SLC8A1: variants seen among roughly 807,000 people sequenced by gnomAD.
SLC8A1 encodes sodium/calcium exchanger 1.
In SLC8A1, 18 loss-of-function variants were observed where a neutral mutation model predicts 68.3. The observed-to-expected ratio is 0.26, with a 90% CI of 0.18 to 0.39. The LOEUF (loss-of-function observed/expected upper bound fraction) is 0.39, where lower values mean the gene tolerates loss of function less well. Ranked by LOEUF, SLC8A1 falls within the 10% of genes least tolerant of loss-of-function variation. SLC8A1 has a pLI of 1.00. For missense variants in SLC8A1, 985 were observed against 1,156.7 expected, an observed-to-expected ratio of 0.85 and a Z score of 2.15; for synonymous variants, 475 against 415.5, an observed-to-expected ratio of 1.14 and a Z score of -1.74.
chr2:40,329,587 T>C (rs970697000), intron 2 of SLC8A1, among the ~76,000 whole-genome samples: 2 of 152,226 alleles, frequency 1.3e-5, no homozygotes, highest in Non-Finnish European at 2.9e-5. Context: ...CTAATGATTT[T>C]TCTTTCCAAT....
intron 1 of SLC8A1, among the ~76,000 whole-genome samples, chr2:40,477,183 G>C (rs1704342210): frequency 6.6e-6 from 1 of 151,956 alleles, no homozygotes; most frequent in Admixed American, 6.6e-5. Flanking sequence ...AAATTTCCTG[G>C]GCAACGTGAT....
intron 2 of SLC8A1, among the ~76,000 whole-genome samples, chr2:40,326,344 G>A (rs536102797): frequency 6.6e-6 from 1 of 151,938 alleles, no homozygotes; most frequent in Admixed American, 6.6e-5. Context: ...TCCTGGCCAA[G>A]ACCACCTCAT....
At chr2:40,402,089 A>T (rs1688912583) in intron 2 of SLC8A1, among the ~76,000 whole-genome samples, 1 of 152,210 alleles carries the variant, frequency 6.6e-6, no homozygotes, top group Admixed American at 6.5e-5. Flanking sequence ...AGGACGCGAT[A>T]CAGGTCAAAG....
intron 2 of SLC8A1, among the ~76,000 whole-genome samples, chr2:40,228,183 A>G (rs1295021606): frequency 3.3e-5 from 5 of 152,136 alleles, no homozygotes; most frequent in Non-Finnish European, 7.4e-5. Flanking sequence ...CATCCCATAT[A>G]TTTTCATTGC....
At chr2:40,180,137 T>C (rs1424707131) in intron 2 of SLC8A1, among the ~76,000 whole-genome samples, 1 of 152,018 alleles carries the variant, frequency 6.6e-6, no homozygotes, top group African/African-American at 2.4e-5. Flanking sequence ...TGGTTAGATA[T>C]TTACAAAACT....
At chr2:40,170,418 A>G in intron 4 of SLC8A1, 69 bp from the exon 7 acceptor site, 2 of 1,348,314 alleles carry the variant, frequency 1.5e-6, no homozygotes, top group Non-Finnish European at 2.1e-6. Context: ...GCTTTGTGGA[A>G]TTAGTAAGCT....
chr2:40,134,269 T>G (rs1402538889), intron 7 of SLC8A1, among the ~76,000 whole-genome samples: 2 of 152,048 alleles, frequency 1.3e-5, no homozygotes, highest in Non-Finnish European at 2.9e-5. Flanking sequence ...TTTTTGTATT[T>G]TTAGTAGAGA....
intron 2 of SLC8A1, among the ~76,000 whole-genome samples, chr2:40,388,410 T>C (rs993635479): frequency 3.9e-5 from 6 of 152,094 alleles, no homozygotes; most frequent in Non-Finnish European, 5.9e-5. Flanking sequence ...TTCTACAGCA[T>C]TGCAAAAAGT....
At chr2:40,450,229 C>G (rs959412991) in intron 1 of SLC8A1, among the ~76,000 whole-genome samples, 1 of 152,166 alleles carries the variant, frequency 6.6e-6, no homozygotes, top group South Asian at 2.1e-4. Flanking sequence ...GAACCTAAAA[C>G]CAATCATCCC....
chr2:40,253,266 C>A (rs2063279184), intron 2 of SLC8A1, among the ~76,000 whole-genome samples: 1 of 149,312 alleles, frequency 6.7e-6, no homozygotes, highest in African/African-American at 2.5e-5. Flanking sequence ...TACATATATA[C>A]ATGTACATAT....
chr2:40,352,907 T>C (rs1432640761), intron 2 of SLC8A1, among the ~76,000 whole-genome samples: 1 of 152,134 alleles, frequency 6.6e-6, no homozygotes, highest in Non-Finnish European at 1.5e-5. Context: ...TTCCAACTCT[T>C]TGTGGCTTAT....
chr2:40,490,647 G>C (rs1705255487), intron 1 of SLC8A1, among the ~76,000 whole-genome samples: 1 of 152,032 alleles, frequency 6.6e-6, no homozygotes, highest in South Asian at 2.1e-4. Context: ...GGATGGGTAG[G>C]AGTAGTGGAT....
chr2:40,201,743 A>T (rs776715897), intron 2 of SLC8A1, among the ~76,000 whole-genome samples: 4 of 152,042 alleles, frequency 2.6e-5, no homozygotes, highest in Non-Finnish European at 5.9e-5. Context: ...CCTGAAGAAG[A>T]CTTCTTGTTA....
At chr2:40,436,144 G>T (rs1300284047) in intron 1 of SLC8A1, among the ~76,000 whole-genome samples, 1 of 151,872 alleles carries the variant, frequency 6.6e-6, no homozygotes, top group Non-Finnish European at 1.5e-5. Flanking sequence ...TTCAAAAGAT[G>T]CAACTCTCTA....
chr2:40,503,508 G>A (rs1376476264), intron 1 of SLC8A1, among the ~76,000 whole-genome samples: 1 of 151,908 alleles, frequency 6.6e-6, no homozygotes, highest in African/African-American at 2.4e-5. Flanking sequence ...TGACAGGAAG[G>A]AGTCAAACTG....
rs760043244 is a variant in SLC8A1 at position 40,170,242 on chromosome 2, G to A, written c.1930+4583C>T. On this transcript the variant is annotated intron_variant, in intron 4 of 7. Coordinates refer to ENST00000406785, the Ensembl canonical transcript of SLC8A1. ...ATGTCTCTAACATTAAAGAACTCTG[G>A]GAGGCTGTGGTTTTCAAGGATCATG... 9.6e-6 allele frequency: 15 copies of A among 1,568,012 alleles called. No individual in the cohort carries two copies. The South Asian group carries it at 1.7e-4, about 17-fold the overall frequency.
chr2:40,305,886 T>TA (rs2149284656), intron 2 of SLC8A1, among the ~76,000 whole-genome samples: 1 of 152,328 alleles, frequency 6.6e-6, no homozygotes, highest in African/African-American at 2.4e-5. Context: ...TTTTTGACAT[T>TA]ATATGCACAT....
At chr2:40,430,957 A>G (rs558381856) in intron 1 of SLC8A1, among the ~76,000 whole-genome samples, 6 of 152,184 alleles carry the variant, frequency 3.9e-5, no homozygotes, top group Non-Finnish European at 8.8e-5. Context: ...GCTCAATGGC[A>G]TTTGTTCTTG....
intron 2 of SLC8A1, among the ~76,000 whole-genome samples, chr2:40,380,691 G>T (rs563229241): frequency 8.6e-5 from 13 of 151,994 alleles, no homozygotes; most frequent in Admixed American, 3.3e-4. Flanking sequence ...CACTTACTGC[G>T]ATTTCAAAGA....
Sources: allele counts gnomAD v4.1 joint callset (sites outside exome capture counted in the v4.1 genomes callset), GRCh38; gene constraint gnomAD v4.1.1; transcripts MANE v1.5; gene names NCBI Gene and HGNC (gene_info 2026-07-23, HGNC 2026-07-21).